The following ZNF385D variants were observed in gnomAD, a reference collection of about 807,000 sequenced individuals.
ZNF385D encodes the protein zinc finger protein 385D.
ZNF385D carries 15 observed loss-of-function variants against 35.8 expected under a neutral mutation model. That is an observed-to-expected ratio of 0.42 (90% CI 0.28 to 0.64). ZNF385D has a LOEUF of 0.64. ZNF385D is among the 30% of genes least tolerant of loss of function. The pLI is 0.23. For synonymous variants in ZNF385D, 212 were observed against 186.8 expected (o/e 1.13, Z -1.10); for missense variants, 474 against 494.6 (o/e 0.96, Z 0.39).
chr3:22,057,935 A>G (rs1699492731), intron 3 of ZNF385D, among the ~76,000 whole-genome samples: 1 of 152,238 alleles, frequency 6.6e-6, no homozygotes, highest in South Asian at 2.1e-4. Flanking sequence ...TGGTTTCACT[A>G]TGACAAACAT....
intron 2 of ZNF385D, among the ~76,000 whole-genome samples, chr3:21,608,012 C>CTTCTTTTTTTTTTTTTTTTTTTTT (rs2064536095): frequency 4.0e-5 from 5 of 123,956 alleles, no homozygotes; most frequent in African/African-American, 1.3e-4. Context: ...TCTTTTTCTT[C>CTTCTTTTTTTTTTTTTTTTTTTTT]TTTTTTTTTT....
At chr3:21,652,490 A>G (rs1281710449) in intron 2 of ZNF385D, among the ~76,000 whole-genome samples, 1 of 152,118 alleles carries the variant, frequency 6.6e-6, no homozygotes, top group Non-Finnish European at 1.5e-5. Context: ...TATTATTATT[A>G]TACTTTAAGT....
At chr3:21,475,289 C>A (rs967606950) in intron 4 of ZNF385D, among the ~76,000 whole-genome samples, 1 of 152,060 alleles carries the variant, frequency 6.6e-6, no homozygotes, top group Non-Finnish European at 1.5e-5. Context: ...ACATTAAAAT[C>A]TATATGTATT....
intron 3 of ZNF385D, among the ~76,000 whole-genome samples, chr3:21,545,058 G>A (rs962004044): frequency 6.6e-6 from 1 of 152,258 alleles, no homozygotes; most frequent in Non-Finnish European, 1.5e-5. Context: ...TAAAACTAAT[G>A]GCTAAGTATA....
chr3:22,150,468 C>A (rs769345022), intron 3 of ZNF385D, among the ~76,000 whole-genome samples: 1 of 151,696 alleles, frequency 6.6e-6, no homozygotes, highest in African/African-American at 2.4e-5. Context: ...GCCAAAAAAC[C>A]CTTCAGATCA....
At chr3:21,938,940 C>T (rs762176798) in intron 3 of ZNF385D, among the ~76,000 whole-genome samples, 2 of 152,216 alleles carry the variant, frequency 1.3e-5, no homozygotes, top group Admixed American at 6.5e-5. Context: ...GAGGTAGTCA[C>T]TGAACTGAAC....
chr3:22,271,961 C>T (rs143089148), intron 2 of ZNF385D, among the ~76,000 whole-genome samples: 4 of 152,124 alleles, frequency 2.6e-5, no homozygotes, highest in Admixed American at 2.0e-4. Flanking sequence ...GCTAATGATA[C>T]ACAGTATGAT....
chr3:21,526,517 G>C (rs1708233545), intron 3 of ZNF385D, among the ~76,000 whole-genome samples: 1 of 152,086 alleles, frequency 6.6e-6, no homozygotes, highest in Non-Finnish European at 1.5e-5. Flanking sequence ...TGCAAGAAGA[G>C]GAGATGTAGA....
At chr3:21,801,464 T>G (rs1024916799) in intron 3 of ZNF385D, among the ~76,000 whole-genome samples, 5 of 152,194 alleles carry the variant, frequency 3.3e-5, no homozygotes, top group Admixed American at 2.0e-4. Flanking sequence ...GCTTGGCTTG[T>G]TGGAGATGTT....
chr3:22,155,756 A>C (rs1234865295), intron 3 of ZNF385D, among the ~76,000 whole-genome samples: 1 of 152,096 alleles, frequency 6.6e-6, no homozygotes, highest in Non-Finnish European at 1.5e-5. Context: ...GACTCTCCAA[A>C]ACCTTATATT....
chr3:21,695,081 G>T (rs4488861), intron 1 of ZNF385D, among the ~76,000 whole-genome samples: 7 of 151,872 alleles, frequency 4.6e-5, no homozygotes, highest in Admixed American at 2.6e-4. Context: ...TAAGGTATGT[G>T]AAGTGCCTGA....
intron 2 of ZNF385D, among the ~76,000 whole-genome samples, chr3:22,196,467 C>A (rs919928535): frequency 2.0e-5 from 3 of 151,754 alleles, no homozygotes; most frequent in Non-Finnish European, 4.4e-5. Flanking sequence ...CTATTTTCTC[C>A]TTTCATTCTT....
chr3:22,180,911 G>GTTTTTTTTTTTTTT (rs1695207512), intron 2 of ZNF385D, among the ~76,000 whole-genome samples: 8 of 60,740 alleles, frequency 1.3e-4, no homozygotes, highest in Non-Finnish European at 2.4e-4. Context: ...ATATGCTTTT[G>GTTTTTTTTTTTTTT]TTCTTTTTTT....
At chr3:22,307,740 C>T (rs1222936246) in intron 2 of ZNF385D, among the ~76,000 whole-genome samples, 1 of 112,422 alleles carries the variant, frequency 8.9e-6, no homozygotes, top group Admixed American at 9.9e-5. Context: ...TTTATTGCCT[C>T]TGTTTTAAAA....
chr3:21,926,978 T>C (rs973120843), intron 3 of ZNF385D, among the ~76,000 whole-genome samples: 2 of 152,134 alleles, frequency 1.3e-5, no homozygotes, highest in South Asian at 2.1e-4. Flanking sequence ...ATCTCCAATA[T>C]TGAAGGTAGG....
chr3:21,548,668 A>G (rs141046170), intron 3 of ZNF385D, among the ~76,000 whole-genome samples: 30 of 152,368 alleles, frequency 2.0e-4, no homozygotes, highest in African/African-American at 6.7e-4. Flanking sequence ...TGAACATGCT[A>G]CTGATATCCA....
chr3:21,966,135 G>T (rs1244608564), intron 3 of ZNF385D, among the ~76,000 whole-genome samples: 1 of 152,012 alleles, frequency 6.6e-6, no homozygotes, highest in Non-Finnish European at 1.5e-5. Flanking sequence ...ATTTTTGTAG[G>T]TTCTCCATAC....
chr3:22,193,986 G>T (rs1483425818), intron 2 of ZNF385D, among the ~76,000 whole-genome samples: 2 of 151,900 alleles, frequency 1.3e-5, no homozygotes, highest in African/African-American at 4.8e-5. Context: ...AGTGGAAAAT[G>T]ATAACTCATA....
chr3:22,193,908 T>C (rs185041889), intron 2 of ZNF385D, among the ~76,000 whole-genome samples: 2 of 152,038 alleles, frequency 1.3e-5, no homozygotes, highest in African/African-American at 4.8e-5. Context: ...GTCATGGGAA[T>C]GTCAGTTTTA....
Sources: allele counts gnomAD v4.1 joint callset (sites outside exome capture counted in the v4.1 genomes callset), GRCh38; gene constraint gnomAD v4.1.1; transcripts MANE v1.5; gene names NCBI Gene and HGNC (gene_info 2026-07-23, HGNC 2026-07-21).